SLC25A32: variants seen among roughly 807,000 people sequenced by gnomAD.
SLC25A32 encodes the protein solute carrier family 25 member 32.
A neutral mutation model predicts 39.0 loss-of-function variants in SLC25A32; 32 were observed. The ratio of observed to expected loss-of-function variants is 0.82; its 90% CI spans 0.62 to 1.10. The LOEUF is 1.10. Ranked by LOEUF, SLC25A32 falls within the 50% of genes least tolerant of loss-of-function variation. The probability of loss-of-function intolerance (pLI) is 0.00; values close to 1 mark genes in which losing one functional copy is unlikely to be tolerated. For synonymous variants in SLC25A32, 166 were observed against 152.4 expected (o/e 1.09, Z -0.66); for missense variants, 367 against 395.3 (o/e 0.93, Z 0.61).
At chr8:103,413,856 C>T (rs3134293) in intron 1 of SLC25A32, among the ~76,000 whole-genome samples, 21,834 of 152,214 alleles carry the variant, frequency 0.14, 1,784 homozygotes, top group East Asian at 0.34. Flanking sequence ...GTAGAATTTT[C>T]TTAACGGTTT....
At chr8:103,400,968 T>C (rs1200613896) in intron 6 of SLC25A32, among the ~76,000 whole-genome samples, 1 of 152,208 alleles carries the variant, frequency 6.6e-6, no homozygotes, top group African/African-American at 2.4e-5. Flanking sequence ...GCCTAGAAAT[T>C]TGTCACTTAG....
intron 5 of SLC25A32, 83 bp downstream of exon 5, chr8:103,401,855 TACC>T (rs1816225583): frequency 3.6e-6 from 4 of 1,120,664 alleles, no homozygotes; most frequent in Non-Finnish European, 3.9e-6. Context: ...ATCATAGCAC[TACC>T]ACCAAAGTAA....
chr8:103,409,486 A>C (rs1161770170), intron 1 of SLC25A32, among the ~76,000 whole-genome samples: 3 of 152,016 alleles, frequency 2.0e-5, no homozygotes, highest in African/African-American at 7.3e-5. Context: ...AACATTCCGT[A>C]CAACAATCTG....
chr8:103,414,568 A>G (rs1207145699), intron 1 of SLC25A32: 1 of 624,058 alleles, frequency 1.6e-6, no homozygotes, highest in East Asian at 2.8e-5. Flanking sequence ...AGACTTCTCT[A>G]CATACATGCC....
intron 1 of SLC25A32, among the ~76,000 whole-genome samples, chr8:103,408,519 C>T (rs3134262): frequency 4.6e-5 from 7 of 151,820 alleles, no homozygotes; most frequent in Admixed American, 1.3e-4. Context: ...CAATTTATAT[C>T]GAATGCTATC....
chr8:103,401,868 A>G (rs1816225947), intron 5 of SLC25A32, 73 bp downstream of exon 5: 2 of 1,258,734 alleles, frequency 1.6e-6, no homozygotes, highest in Non-Finnish European at 2.2e-6. Context: ...CACCAAAGTA[A>G]GCATGACAAA....
rs536055429 is a variant in SLC25A32, at chr8:103,404,637, A to C, written c.391+139T>G. 1.1e-5 allele frequency: 6 copies of C among 570,832 alleles called. No homozygotes were observed. In the East Asian group the frequency reaches 1.9e-4, roughly 18 times the overall value. 35.4% of individuals were successfully genotyped at this position (570,832 alleles called of 1,614,324 possible). A position where few individuals can be genotyped will look rare whatever the true frequency, so the allele number is the denominator to read the frequency against. On this transcript the variant is annotated intron_variant, in intron 3 of 6. Coordinates refer to ENST00000297578, the MANE Select transcript of SLC25A32 (RefSeq NM_030780.5). Reference sequence around the variant, plus strand: ...AACCGAAAAACAAACAAACAAAAAAAACAGAAATTCCATGTAACTGATTTA... The same window carrying C: ...AACCGAAAAACAAACAAACAAAAAACACAGAAATTCCATGTAACTGATTTA...
intron 1 of SLC25A32, among the ~76,000 whole-genome samples, chr8:103,413,806 C>A (rs1300265341): frequency 6.6e-6 from 1 of 152,198 alleles, no homozygotes; most frequent in Non-Finnish European, 1.5e-5. Flanking sequence ...AAGCCCCAAT[C>A]TTCCACTGAA....
At chr8:103,409,860 CCTTT>C (rs1307583659) in intron 1 of SLC25A32, among the ~76,000 whole-genome samples, 2 of 152,182 alleles carry the variant, frequency 1.3e-5, no homozygotes, top group Non-Finnish European at 2.9e-5. Flanking sequence ...ATGGTCTTAC[CCTTT>C]CTGAGCTTCA....
At chr8:103,409,587 G>C (rs911774954) in intron 1 of SLC25A32, among the ~76,000 whole-genome samples, 5 of 152,230 alleles carry the variant, frequency 3.3e-5, no homozygotes, top group East Asian at 3.9e-4. Flanking sequence ...AATACGTATT[G>C]AACCTGCCTT....
At position 103,400,212 on chromosome 8, in the gene SLC25A32, A is replaced by G. The variant is rs1212398319; in HGVS notation, c.*199T>C. 7.0e-6 allele frequency: 4 copies of G among 571,798 alleles called. No individual in the cohort carries two copies. Among genetic ancestry groups the G allele is most frequent in the African/African-American group, 4.0e-5 (2 of 49,736 alleles). The allele number at this position is 571,798 out of a possible 1,614,324, so 35.4% of individuals were successfully genotyped here. On this transcript the variant is annotated 3_prime_UTR_variant, in exon 7 of 7. Transcript: ENST00000297578. ...GATGGCAGCCATTTCAGGCAGAGGTAGCCAAGTTCCATATATATGGGGAAG... is the reference window on the plus strand; with the variant it reads ...GATGGCAGCCATTTCAGGCAGAGGTGGCCAAGTTCCATATATATGGGGAAG...
Position 103,408,675 on chromosome 8 carries a change from C to T in SLC25A32, c.155-891G>A, listed in dbSNP as rs1816393958. 2.0e-5 allele frequency among the ~76,000 whole-genome samples: 3 copies of T among 152,164 alleles called. No individual in the cohort carries two copies. The South Asian group carries it at 6.2e-4, about 31-fold the overall frequency. On this transcript the variant is annotated intron_variant, in intron 1 of 6. Coordinates refer to ENST00000297578, the MANE Select transcript of SLC25A32 (RefSeq NM_030780.5). ...TCACTTGAACATATCCAAAATTGAA[C>T]TAGTTTTCCCCATCCCTTCTGAAGC...
chr8:103,409,210 TACATTATGCATACC>T, intron 1 of SLC25A32, among the ~76,000 whole-genome samples: 1 of 152,320 alleles, frequency 6.6e-6, no homozygotes, highest in African/African-American at 2.4e-5. Context: ...AACGGCATTC[TACATTATGCATACC>T]ATTCTACATT....
intron 1 of SLC25A32, among the ~76,000 whole-genome samples, chr8:103,408,160 T>A (rs1816385084): frequency 6.6e-6 from 1 of 151,114 alleles, no homozygotes; most frequent in South Asian, 2.1e-4. Flanking sequence ...GTATTTTTTT[T>A]TTTTTAAGTA....
Position 103,403,240 on chromosome 8 carries a change from G to A in SLC25A32, c.476C>T (p.Pro159Leu). 6.2e-7 allele frequency: 1 copy of A among 1,612,546 alleles called. No homozygotes were observed. Among genetic ancestry groups the A allele is most frequent in the East Asian group, 2.2e-5 (1 of 44,796 alleles). Reference sequence around the variant, plus strand: ...AAACATTCCTTTATATTGTCGGTGTGGGGAGTTAACAACAGCATCATACTG... The same window carrying A: ...AAACATTCCTTTATATTGTCGGTGTAGGGAGTTAACAACAGCATCATACTG... ...MLQYDAVVNS[P>L]HRQYKGMFDT... is the part of the protein sequence containing the mutation. The change falls in exon 4 of 7, where the codon CCA (proline) becomes CTA (leucine). Residue 159 changes from proline (P) to leucine (L), a missense_variant. Coordinates refer to ENST00000297578, the MANE Select transcript of SLC25A32 (RefSeq NM_030780.5).
chr8:103,403,627 A>C (rs547269234), intron 3 of SLC25A32, among the ~76,000 whole-genome samples: 1 of 152,292 alleles, frequency 6.6e-6, no homozygotes, highest in Admixed American at 6.5e-5. Flanking sequence ...CTTGACTCCT[A>C]AACAACGTGG....
chr8:103,415,070 G>A lies in SLC25A32; in HGVS notation c.-133C>T, dbSNP rs775796602. 2.5e-6 allele frequency: 4 copies of A among 1,608,222 alleles called. No individual in the cohort carries two copies. Among genetic ancestry groups the A allele is most frequent in the South Asian group, 1.1e-5 (1 of 90,694 alleles). On this transcript the variant is annotated 5_prime_UTR_variant, in exon 1 of 7. Transcript: ENST00000297578. ...CCGGGACCAACGAGAGGACTCTTAT[G>A]CCCAAGGCGCGTGAGCGAAGCCGGA...
chr8:103,407,810 G>C lies in SLC25A32; in HGVS notation c.155-26C>G, dbSNP rs758968498. Reference sequence around the variant, plus strand: ...CTGCATCAAGGGATACACAAAGTCAGGTAAGAACAAAGTTCTAGCTCTGTA... The same window carrying C: ...CTGCATCAAGGGATACACAAAGTCACGTAAGAACAAAGTTCTAGCTCTGTA... On this transcript the variant is annotated intron_variant, in intron 1 of 6. Coordinates refer to ENST00000297578, the MANE Select transcript of SLC25A32 (RefSeq NM_030780.5). The C allele has an allele frequency of 2.5e-6, 4 of 1,603,304 alleles. No individual in the cohort carries two copies. The South Asian group carries it at 4.4e-5, about 18-fold the overall frequency.
At chr8:103,401,734 AC>A (rs1257020620) in intron 5 of SLC25A32, 73 bp from the exon 6 acceptor site, 1 of 1,322,934 alleles carries the variant, frequency 7.6e-7, no homozygotes, top group East Asian at 2.4e-5. Context: ...AAAATTATAT[AC>A]AAAAAACATT....
Sources: allele counts gnomAD v4.1 joint callset (sites outside exome capture counted in the v4.1 genomes callset), GRCh38; gene constraint gnomAD v4.1.1; transcripts MANE v1.5; gene names NCBI Gene and HGNC (gene_info 2026-07-23, HGNC 2026-07-21).